The following POR variants were observed in gnomAD, a reference collection of about 807,000 sequenced individuals.
POR encodes NADPH--cytochrome P450 reductase.
A neutral mutation model predicts 84.0 loss-of-function variants in POR; 56 were observed. The observed-to-expected ratio is 0.67, with a 90% CI of 0.54 to 0.83. The LOEUF (loss-of-function observed/expected upper bound fraction) is 0.83, where lower values mean the gene tolerates loss of function less well. Among genes scored for constraint, POR ranks in the 40% least tolerant of loss-of-function variants. The probability of loss-of-function intolerance (pLI) is 0.00; values close to 1 mark genes in which losing one functional copy is unlikely to be tolerated. For missense variants in POR, 938 were observed against 944.3 expected (o/e 0.99, Z 0.09); for synonymous variants, 414 against 400.5 (o/e 1.03, Z -0.40).
intron 2 of POR, among the ~76,000 whole-genome samples, chr7:75,957,371 G>A (rs1489151135): frequency 2.0e-5 from 3 of 152,160 alleles, no homozygotes; most frequent in Non-Finnish European, 2.9e-5. Context: ...GCTGGTACAC[G>A]GGGCATTGCT....
At chr7:75,928,495 G>T (rs1807260310) in intron 1 of POR, among the ~76,000 whole-genome samples, 1 of 152,208 alleles carries the variant, frequency 6.6e-6, no homozygotes, top group Non-Finnish European at 1.5e-5. Flanking sequence ...CTTCTGGATG[G>T]AAGCATTTAA....
intron 2 of POR, 47 bp from the exon 3 acceptor site, chr7:75,972,366 C>T (rs1554556275): frequency 6.4e-7 from 1 of 1,556,626 alleles, no homozygotes; most frequent in African/African-American, 1.4e-5. Flanking sequence ...ACACCTGTGT[C>T]CCATGACACC....
At chr7:75,960,164 G>A (rs73363983) in intron 2 of POR, among the ~76,000 whole-genome samples, 2,069 of 152,036 alleles carry the variant, frequency 0.014, 34 homozygotes, top group African/African-American at 0.047. Flanking sequence ...GGTAGCATAC[G>A]CTTGTAGTCC....
chr7:75,926,206 A>G (rs1554549490), intron 1 of POR, among the ~76,000 whole-genome samples: 2 of 151,776 alleles, frequency 1.3e-5, no homozygotes, highest in Non-Finnish European at 2.9e-5. Flanking sequence ...TATGTTGCCC[A>G]GGCCGATCTC....
At chr7:75,917,128 C>T (rs1554548156) in intron 1 of POR, among the ~76,000 whole-genome samples, 1 of 150,762 alleles carries the variant, frequency 6.6e-6, no homozygotes, top group East Asian at 1.9e-4. Context: ...AGTGCAGTGG[C>T]GCAATCATAG....
chr7:75,972,891 C>T (rs1401266983), intron 3 of POR: 3 of 241,714 alleles, frequency 1.2e-5, no homozygotes, highest in African/African-American at 4.6e-5. Flanking sequence ...GGCGCAATCT[C>T]GGTTCACTGC....
intron 3 of POR, among the ~76,000 whole-genome samples, chr7:75,978,874 G>T (rs1379348695): frequency 1.3e-5 from 2 of 151,372 alleles, no homozygotes; most frequent in South Asian, 4.2e-4. Flanking sequence ...TCAGTTCACT[G>T]CAACCTCCAC....
At chr7:75,948,131 G>A (rs887076980) in intron 1 of POR, among the ~76,000 whole-genome samples, 4 of 152,168 alleles carry the variant, frequency 2.6e-5, no homozygotes, top group Admixed American at 6.5e-5. Context: ...AGCACAGCCC[G>A]GTGGGAAGCT....
intron 1 of POR, among the ~76,000 whole-genome samples, chr7:75,919,382 C>CGTGCGTGCGTGTGTGTGT (rs147421179): frequency 2.0e-5 from 3 of 146,432 alleles, no homozygotes; most frequent in Admixed American, 6.9e-5. Context: ...TCTGTGCGTG[C>CGTGCGTGCGTGTGTGTGT]GTGTGTGTGT....
At chr7:75,949,421 T>C (rs2116386043) in intron 1 of POR, among the ~76,000 whole-genome samples, 1 of 151,970 alleles carries the variant, frequency 6.6e-6, no homozygotes, top group East Asian at 1.9e-4. Flanking sequence ...CCCAAAGTGA[T>C]GGGATTACAG....
intron 3 of POR, among the ~76,000 whole-genome samples, chr7:75,978,517 G>A (rs1179471657): frequency 6.6e-6 from 1 of 152,002 alleles, no homozygotes; most frequent in Non-Finnish European, 1.5e-5. Context: ...AGCATCCTTG[G>A]ATTTTTGTTT....
At chr7:75,937,557 G>A (rs1299196146) in intron 1 of POR, among the ~76,000 whole-genome samples, 1 of 151,462 alleles carries the variant, frequency 6.6e-6, no homozygotes, top group African/African-American at 2.4e-5. Flanking sequence ...CTGAGGGGGT[G>A]GATCACCTGA....
In POR at chr7:75,981,559, G is replaced by A. The variant is rs72555510; in HGVS notation, c.684G>A (p.Pro228=). 187 of 1,613,070 alleles carry A rather than the reference G, an allele frequency of 1.2e-4. No homozygotes were observed. In the African/African-American group the frequency reaches 2.0e-3, roughly 17 times the overall value. Reference sequence around the variant, plus strand: ...TCACCTGGCGAGAGCAGTTCTGGCCGGCCGTGTGTGAACACTTTGGGGTGG... The same window carrying A: ...TCACCTGGCGAGAGCAGTTCTGGCCAGCCGTGTGTGAACACTTTGGGGTGG... Residue 228 remains proline, a synonymous_variant, in exon 7 of 16, where the codon CCG becomes CCA. Transcript: ENST00000461988.
In POR at chr7:75,953,615, G is replaced by T. The variant is rs41295378; in HGVS notation, c.-4-374G>T. Among the ~76,000 whole-genome samples, 476 of 152,242 alleles carry T rather than the reference G, an allele frequency of 3.1e-3. 3 individuals are homozygous for T. The highest frequency in any genetic ancestry group is 0.011 in the African/African-American group (442 of 41,544). On this transcript the variant is annotated intron_variant, in intron 1 of 15. Transcript: ENST00000461988. Reference sequence around the variant, plus strand: ...TTGCTGCGAAATGGTCCACTCTTGCGTGCACTTCCTCCCGCCTGCCCCCCG... The same window carrying T: ...TTGCTGCGAAATGGTCCACTCTTGCTTGCACTTCCTCCCGCCTGCCCCCCG...
At chr7:75,952,740 C>G (rs1275380700) in intron 1 of POR, among the ~76,000 whole-genome samples, 1 of 150,930 alleles carries the variant, frequency 6.6e-6, no homozygotes, top group African/African-American at 2.4e-5. Context: ...CAGGCAGAGA[C>G]GCTCCTCACT....
intron 1 of POR, chr7:75,947,200 C>A (rs1421450339): frequency 6.6e-6 from 1 of 151,994 alleles, no homozygotes; most frequent in East Asian, 1.9e-4. Context: ...TGCTGAGATA[C>A]CAGGGACTCC....
At chr7:75,939,807 A>G (rs1380404695) in intron 1 of POR, among the ~76,000 whole-genome samples, 3 of 151,918 alleles carry the variant, frequency 2.0e-5, no homozygotes, top group Admixed American at 2.0e-4. Flanking sequence ...TGGGTTTCCC[A>G]ATGTTGGCCA....
chr7:75,932,936 T>G (rs2116285495), intron 1 of POR, among the ~76,000 whole-genome samples: 1 of 151,458 alleles, frequency 6.6e-6, no homozygotes, highest in South Asian at 2.1e-4. Context: ...GAAAATCCCT[T>G]GAACTCGGGA....
At chr7:75,949,136 C>CT (rs869302048) in intron 1 of POR, among the ~76,000 whole-genome samples, 1 of 149,764 alleles carries the variant, frequency 6.7e-6, no homozygotes, top group South Asian at 2.1e-4. Flanking sequence ...GACTTCAGGG[C>CT]TTTGTTGTTG....
Sources: allele counts gnomAD v4.1 joint callset (sites outside exome capture counted in the v4.1 genomes callset), GRCh38; gene constraint gnomAD v4.1.1; transcripts MANE v1.5; gene names NCBI Gene and HGNC (gene_info 2026-07-23, HGNC 2026-07-21).